C1QTNF7: variants seen among roughly 807,000 people sequenced by gnomAD.
The protein encoded by C1QTNF7 is C1q and TNF related 7, also known as complement C1q tumor necrosis factor-related protein 7.
Under a neutral mutation model 19.6 loss-of-function variants are expected in C1QTNF7, and 15 were observed. That is an observed-to-expected ratio of 0.76 (90% CI 0.51 to 1.18). The LOEUF is 1.18. C1QTNF7 is among the 50% of genes most tolerant of loss of function. The pLI is 0.00. For missense variants in C1QTNF7, 324 were observed against 359.7 expected (o/e 0.90, Z 0.80); for synonymous variants, 142 against 137.5 (o/e 1.03, Z -0.23).
rs1712891361 is a variant in C1QTNF7 at position 15,443,945 on chromosome 4, G to A, written c.*1146G>A. Reference sequence around the variant, plus strand: ...ATGAGAGCAATGAACAGGAGAAGGAGGGAGAGAGCCAAATGTCTGAGTAAA... The same window carrying A: ...ATGAGAGCAATGAACAGGAGAAGGAAGGAGAGAGCCAAATGTCTGAGTAAA... On this transcript the variant is annotated 3_prime_UTR_variant, in exon 3 of 3. Transcript: ENST00000444304. 6.6e-6 allele frequency: 1 copy of A among 152,312 alleles called. No individual in the cohort carries two copies. The highest frequency in any genetic ancestry group is 1.5e-5 in the Non-Finnish European group (1 of 68,034). The allele number at this position is 152,312 out of a possible 1,614,324, so 9.4% of individuals were successfully genotyped here. A position where few individuals can be genotyped will look rare whatever the true frequency, so the allele number is the denominator to read the frequency against.
At chr4:15,428,740 C>A (rs1712168906) in intron 1 of C1QTNF7, among the ~76,000 whole-genome samples, 1 of 152,144 alleles carries the variant, frequency 6.6e-6, no homozygotes. Flanking sequence ...CAGCTCAGGT[C>A]TCCATCCTGT....
intron 1 of C1QTNF7, among the ~76,000 whole-genome samples, chr4:15,422,027 G>A (rs1711793158): frequency 6.6e-6 from 1 of 152,128 alleles, no homozygotes; most frequent in South Asian, 2.1e-4. Context: ...GGCAGCTGGG[G>A]TGGAGGAGAC....
intron 1 of C1QTNF7, among the ~76,000 whole-genome samples, chr4:15,415,471 A>T (rs1027107566): frequency 1.3e-5 from 2 of 152,210 alleles, no homozygotes; most frequent in African/African-American, 4.8e-5. Context: ...TTCTAAGACC[A>T]AAGGAATATG....
chr4:15,404,612 G>T (rs78216100), intron 1 of C1QTNF7, among the ~76,000 whole-genome samples: 10,430 of 152,250 alleles, frequency 0.069, 1,139 homozygotes, highest in African/African-American at 0.23. Context: ...GTATTTGCAT[G>T]AGTCAATGAC....
At position 15,444,223 on chromosome 4, in the gene C1QTNF7, A is replaced by G. The variant is rs1345465694; in HGVS notation, c.*1424A>G. On this transcript the variant is annotated 3_prime_UTR_variant, in exon 3 of 3. Transcript: ENST00000444304. Reference sequence around the variant, plus strand: ...TCATACCTCTTATGTTTGAATCACCATGCTAGATTCTGTGAAGACAGAAGA... The same window carrying G: ...TCATACCTCTTATGTTTGAATCACCGTGCTAGATTCTGTGAAGACAGAAGA... 8 of 152,198 alleles carry G rather than the reference A, an allele frequency of 5.3e-5. No individual in the cohort carries two copies. The highest frequency in any genetic ancestry group is 1.4e-4 in the African/African-American group (6 of 41,454). The allele number at this position is 152,198 out of a possible 1,614,324, so 9.4% of individuals were successfully genotyped here.
chr4:15,388,034 AG>A (rs1241148482), intron 1 of C1QTNF7, among the ~76,000 whole-genome samples: 2 of 152,238 alleles, frequency 1.3e-5, no homozygotes, highest in African/African-American at 4.8e-5. Flanking sequence ...CTTACTGAAG[AG>A]GAAAGGCCAA....
intron 1 of C1QTNF7, chr4:15,358,333 T>C (rs1023779827): frequency 2.0e-5 from 3 of 152,224 alleles, no homozygotes; most frequent in African/African-American, 2.4e-5. Context: ...GAGATAATCA[T>C]GTGGTTTTTG....
intron 1 of C1QTNF7, among the ~76,000 whole-genome samples, chr4:15,365,861 G>A (rs1308685245): frequency 2.0e-5 from 3 of 152,146 alleles, no homozygotes; most frequent in African/African-American, 4.8e-5. Context: ...ACTGTTGCCA[G>A]AGGTGTCAGA....
At chr4:15,431,071 T>TAGATAGAC (rs1712286935) in intron 1 of C1QTNF7, among the ~76,000 whole-genome samples, 1 of 151,646 alleles carries the variant, frequency 6.6e-6, no homozygotes. Context: ...GATAGATAGA[T>TAGATAGAC]AGATAGATAG....
chr4:15,442,796 G>T lies in C1QTNF7; in HGVS notation c.867G>T (p.Leu289Phe). 1 of 1,601,460 alleles carries T rather than the reference G, an allele frequency of 6.2e-7. No homozygotes were observed. The highest frequency in any genetic ancestry group is 8.5e-7 in the Non-Finnish European group (1 of 1,174,578). The change falls in exon 3 of 3, where the codon TTG (leucine) becomes TTT (phenylalanine). Residue 289 changes from leucine (L) to phenylalanine (F), a missense_variant. Leu to Phe is a conservative substitution (Grantham distance 22). Coordinates refer to ENST00000444304, the MANE Select transcript of C1QTNF7 (RefSeq NM_031911.5). Reference protein sequence around the residue: ...YLDSISEDDEL With the variant: ...YLDSISEDDEF ...ATTCCATATCAGAAGATGATGAATT[G>T]TGATCAGGACCAAGATCCCTGTGGT... is the stretch of plus-strand genomic sequence containing the variant.
At chr4:15,371,765 A>G (rs1213803840) in intron 1 of C1QTNF7, among the ~76,000 whole-genome samples, 1 of 152,164 alleles carries the variant, frequency 6.6e-6, no homozygotes, top group Non-Finnish European at 1.5e-5. Context: ...ACTTATTAAC[A>G]TGAAGGGGGC....
At chr4:15,407,035 T>C (rs1719216989) in intron 1 of C1QTNF7, among the ~76,000 whole-genome samples, 1 of 152,204 alleles carries the variant, frequency 6.6e-6, no homozygotes, top group African/African-American at 2.4e-5. Flanking sequence ...TTAAATCCCA[T>C]CTCAACAGTA....
At chr4:15,412,839 C>T (rs749646338) in intron 1 of C1QTNF7, among the ~76,000 whole-genome samples, 9 of 152,204 alleles carry the variant, frequency 5.9e-5, no homozygotes, top group Non-Finnish European at 1.0e-4. Context: ...GCAATCTCAA[C>T]GAGTGAGCAA....
chr4:15,396,221 C>T (rs1039302579), intron 1 of C1QTNF7, among the ~76,000 whole-genome samples: 1 of 152,140 alleles, frequency 6.6e-6, no homozygotes. Context: ...CCACTTGTAC[C>T]GCATCCTGGG....
intron 1 of C1QTNF7, among the ~76,000 whole-genome samples, chr4:15,385,140 C>T (rs1718285146): frequency 6.6e-6 from 1 of 152,192 alleles, no homozygotes; most frequent in African/African-American, 2.4e-5. Flanking sequence ...GCAAGACCAG[C>T]ACAGTAACAG....
chr4:15,412,401 C>A (rs1156597067), intron 1 of C1QTNF7, among the ~76,000 whole-genome samples: 2 of 150,602 alleles, frequency 1.3e-5, no homozygotes, highest in African/African-American at 4.9e-5. Context: ...GAGAACTGTT[C>A]TAGGCTTCCC....
At chr4:15,402,240 A>C (rs755541238) in intron 1 of C1QTNF7, among the ~76,000 whole-genome samples, 1 of 152,248 alleles carries the variant, frequency 6.6e-6, no homozygotes, top group South Asian at 2.1e-4. Flanking sequence ...CTAAGGGGAC[A>C]AGGTGACCCA....
At chr4:15,346,384 G>T (rs1417390599) in intron 1 of C1QTNF7, among the ~76,000 whole-genome samples, 1 of 152,056 alleles carries the variant, frequency 6.6e-6, no homozygotes, top group Non-Finnish European at 1.5e-5. Flanking sequence ...ATTAAATATT[G>T]GCAGTTTTAG....
At chr4:15,383,198 T>G (rs1183753238) in intron 1 of C1QTNF7, among the ~76,000 whole-genome samples, 1 of 152,210 alleles carries the variant, frequency 6.6e-6, no homozygotes, top group African/African-American at 2.4e-5. Context: ...GTTGTCCTTC[T>G]TGGCAATGGT....
Sources: gnomAD v4.1 joint callset for allele counts (sites outside exome capture counted in the v4.1 genomes callset) on GRCh38, gnomAD v4.1.1 for gene constraint, MANE v1.5 for transcripts, NCBI Gene and HGNC (gene_info 2026-07-23, HGNC 2026-07-21) for gene names.